The following MSRA variants were observed in gnomAD, a reference collection of about 807,000 sequenced individuals.
The protein encoded by MSRA is methionine sulfoxide reductase A.
MSRA carries 54 observed loss-of-function variants against 31.3 expected under a neutral mutation model. The observed-to-expected ratio is 1.73, with a 90% CI of 1.39 to 2.17. The LOEUF (loss-of-function observed/expected upper bound fraction) is 2.17, where lower values mean the gene tolerates loss of function less well. Ranked by LOEUF, MSRA falls within the 30% of genes most tolerant of loss-of-function variation. MSRA has a pLI of 0.00. For synonymous variants in MSRA, 169 were observed against 116.5 expected, an observed-to-expected ratio of 1.45 and a Z score of -2.90; for missense variants, 507 against 300.9, an observed-to-expected ratio of 1.69 and a Z score of -5.07.
intron 5 of MSRA, among the ~76,000 whole-genome samples, chr8:10,409,292 C>A (rs186475315): frequency 1.2e-3 from 184 of 152,212 alleles, no homozygotes; most frequent in Non-Finnish European, 2.0e-3. Flanking sequence ...TCTCATTGTG[C>A]CTTTGATTTG....
chr8:10,102,915 C>G (rs1034334568), intron 1 of MSRA, among the ~76,000 whole-genome samples: 5 of 152,080 alleles, frequency 3.3e-5, no homozygotes, highest in Non-Finnish European at 7.4e-5. Context: ...TGTCTCAGCT[C>G]TGTATTCCTT....
intron 3 of MSRA, among the ~76,000 whole-genome samples, chr8:10,287,844 G>A (rs148892778): frequency 5.9e-5 from 9 of 152,222 alleles, no homozygotes; most frequent in East Asian, 1.9e-4. Flanking sequence ...TCGTCCCTGC[G>A]TTCTCAAGCT....
At chr8:10,224,531 C>T (rs1810823574) in intron 2 of MSRA, among the ~76,000 whole-genome samples, 3 of 152,144 alleles carry the variant, frequency 2.0e-5, no homozygotes, top group Admixed American at 2.0e-4. Context: ...TCTGGGTCCC[C>T]TTTTCTCAAG....
intron 1 of MSRA, among the ~76,000 whole-genome samples, chr8:10,092,024 C>A (rs60227095): frequency 0.061 from 9,280 of 152,032 alleles, 920 homozygotes; most frequent in African/African-American, 0.21. Flanking sequence ...CTTGTCAATA[C>A]TTGTTTTTGT....
intron 1 of MSRA, among the ~76,000 whole-genome samples, chr8:10,066,710 T>G (rs1797470902): frequency 3.3e-5 from 5 of 152,066 alleles, no homozygotes; most frequent in Admixed American, 2.6e-4. Context: ...TTTTTTTGTA[T>G]TTTTAGTAGA....
At chr8:10,341,807 CAATGGGCATG>C (rs1803444438) in intron 5 of MSRA, among the ~76,000 whole-genome samples, 3 of 152,190 alleles carry the variant, frequency 2.0e-5, no homozygotes, top group African/African-American at 4.8e-5. Context: ...GCTGTATCCG[CAATGGGCATG>C]AATGGGCAGA....
At chr8:10,401,350 A>T (rs1248183974) in intron 5 of MSRA, among the ~76,000 whole-genome samples, 1 of 152,242 alleles carries the variant, frequency 6.6e-6, no homozygotes, top group Non-Finnish European at 1.5e-5. Flanking sequence ...TCAAAACTAC[A>T]GTGAGAAACC....
At chr8:10,259,200 C>G (rs1798340070) in intron 3 of MSRA, among the ~76,000 whole-genome samples, 2 of 152,028 alleles carry the variant, frequency 1.3e-5, no homozygotes, top group Admixed American at 1.3e-4. Context: ...AACAAATGGA[C>G]TTAGATCTAT....
At chr8:10,096,411 A>G (rs552979542) in intron 1 of MSRA, 2 of 446,306 alleles carry the variant, frequency 4.5e-6, no homozygotes, top group Non-Finnish European at 6.0e-6. Flanking sequence ...GATGTATGCG[A>G]TTAGTGAATT....
intron 3 of MSRA, among the ~76,000 whole-genome samples, chr8:10,277,050 A>C (rs1169646472): frequency 2.6e-5 from 4 of 152,320 alleles, no homozygotes; most frequent in African/African-American, 9.6e-5. Context: ...TAAATAAGAA[A>C]GTATATACCT....
intron 4 of MSRA, among the ~76,000 whole-genome samples, chr8:10,306,311 A>G (rs2129128516): frequency 6.6e-6 from 1 of 152,336 alleles, no homozygotes; most frequent in African/African-American, 2.4e-5. Flanking sequence ...AAATAGTGTG[A>G]AAATAACATG....
At chr8:10,255,795 T>TA (rs1263055114) in intron 3 of MSRA, among the ~76,000 whole-genome samples, 1 of 106,390 alleles carries the variant, frequency 9.4e-6, no homozygotes, top group Non-Finnish European at 2.6e-5. Flanking sequence ...GGGAGGCTGC[T>TA]GGTTTTTTTT....
At chr8:10,161,703 C>T (rs1384586017) in intron 1 of MSRA, among the ~76,000 whole-genome samples, 1 of 151,808 alleles carries the variant, frequency 6.6e-6, no homozygotes, top group Non-Finnish European at 1.5e-5. Context: ...CATCTGGGGT[C>T]AGAGCTGAAG....
intron 1 of MSRA, among the ~76,000 whole-genome samples, chr8:10,070,891 A>G (rs1201084932): frequency 1.3e-5 from 2 of 152,228 alleles, no homozygotes; most frequent in Admixed American, 6.5e-5. Context: ...CAGTTTAACC[A>G]TTCACACATT....
At chr8:10,296,857 A>T (rs1313687303) in intron 3 of MSRA, among the ~76,000 whole-genome samples, 2 of 152,134 alleles carry the variant, frequency 1.3e-5, no homozygotes, top group Admixed American at 6.5e-5. Flanking sequence ...GCCAACCCTG[A>T]CAATCTGACT....
intron 2 of MSRA, among the ~76,000 whole-genome samples, chr8:10,211,091 A>G (rs2129061594): frequency 6.6e-6 from 1 of 152,192 alleles, no homozygotes; most frequent in South Asian, 2.1e-4. Flanking sequence ...TTAGAATGCT[A>G]CCGAAATAAG....
intron 5 of MSRA, among the ~76,000 whole-genome samples, chr8:10,346,308 C>T (rs1014484898): frequency 9.2e-5 from 14 of 152,152 alleles, no homozygotes; most frequent in South Asian, 2.1e-4. Flanking sequence ...GATGACTTTG[C>T]GCTCAGCATG....
At chr8:10,417,310 C>T (rs1289586080) in intron 5 of MSRA, among the ~76,000 whole-genome samples, 1 of 152,206 alleles carries the variant, frequency 6.6e-6, no homozygotes, top group East Asian at 1.9e-4. Context: ...CATGTGCCAG[C>T]AGTGATTGAT....
intron 1 of MSRA, among the ~76,000 whole-genome samples, chr8:10,179,809 C>T (rs1806378353): frequency 6.6e-6 from 1 of 152,214 alleles, no homozygotes; most frequent in Non-Finnish European, 1.5e-5. Flanking sequence ...GCGCTTAGCT[C>T]AGGGCCTGAT....
Sources: gnomAD v4.1 joint callset for allele counts (sites outside exome capture counted in the v4.1 genomes callset) on GRCh38, gnomAD v4.1.1 for gene constraint, MANE v1.5 for transcripts, NCBI Gene and HGNC (gene_info 2026-07-23, HGNC 2026-07-21) for gene names.